MYL10: variants seen among roughly 807,000 people sequenced by gnomAD.
MYL10 encodes the protein myosin light chain 10, also known as myosin regulatory light chain 10.
Under a neutral mutation model 21.9 loss-of-function variants are expected in MYL10, and 18 were observed. The observed-to-expected ratio is 0.82, with a 90% CI of 0.57 to 1.22. The LOEUF (loss-of-function observed/expected upper bound fraction) is 1.22, where lower values mean the gene tolerates loss of function less well. Ranked by LOEUF, MYL10 falls within the 50% of genes most tolerant of loss-of-function variation. The probability of loss-of-function intolerance (pLI) is 0.00; values close to 1 mark genes in which losing one functional copy is unlikely to be tolerated. For synonymous variants in MYL10, 88 were observed against 82.8 expected, an observed-to-expected ratio of 1.06 and a Z score of -0.34; for missense variants, 225 against 230.4, an observed-to-expected ratio of 0.98 and a Z score of 0.15.
In MYL10 at chr7:101,613,592, T is replaced by G. The variant is rs1474348283; in HGVS notation, c.583-19A>C. ...GCTTGACCTGAGAAGGAGCAGAGAG[T>G]CAGCCTGCACCAGGCCAAGTGGGGG... is the stretch of plus-strand genomic sequence containing the variant. On this transcript the variant is annotated intron_variant, in intron 7 of 7. Coordinates refer to ENST00000223167, the MANE Select transcript of MYL10 (RefSeq NM_138403.5). 1 of 1,613,444 alleles carries G rather than the reference T, an allele frequency of 6.2e-7. No homozygotes were observed. The highest frequency in any genetic ancestry group is 8.5e-7 in the Non-Finnish European group (1 of 1,179,420).
intron 5 of MYL10, among the ~76,000 whole-genome samples, chr7:101,618,761 A>C (rs1479566267): frequency 2.6e-5 from 4 of 151,886 alleles, no homozygotes; most frequent in Non-Finnish European, 5.9e-5. Context: ...CCACGTCTGC[A>C]TGACAGGCTC....
At chr7:101,625,885 C>T (rs1381055347) in intron 1 of MYL10, among the ~76,000 whole-genome samples, 1 of 152,130 alleles carries the variant, frequency 6.6e-6, no homozygotes, top group Non-Finnish European at 1.5e-5. Context: ...GCTGTGGCCT[C>T]GGCGTCCTCA....
intron 5 of MYL10, 119 bp from the exon 6 acceptor site, chr7:101,616,417 C>T (rs1233159260): frequency 4.2e-6 from 3 of 710,702 alleles, no homozygotes; most frequent in East Asian, 2.6e-5. Context: ...TGCACAGAGG[C>T]ACAGCTCTGG....
chr7:101,622,175 T>A lies in MYL10; in HGVS notation c.375A>T (p.Glu125Asp), dbSNP rs1162747476. Residue 125 changes from glutamate (E) to aspartate (D), a missense_variant, in exon 5 of 8, where the codon GAA becomes GAT. Transcript: ENST00000223167. Reference sequence around the variant, plus strand: ...GGGCCTCCTTCACCATGGCCTCCAGTTCCTCGTTCTTGACATTGATGCGGC... The same window carrying A: ...GGGCCTCCTTCACCATGGCCTCCAGATCCTCGTTCTTGACATTGATGCGGC... ...ALGRINVKNE[E>D]LEAMVKEAPG... The A allele has an allele frequency of 3.7e-6, 6 of 1,612,914 alleles. No homozygotes were observed. The highest frequency in any genetic ancestry group is 5.1e-6 in the Non-Finnish European group (6 of 1,179,368).
intron 1 of MYL10, among the ~76,000 whole-genome samples, chr7:101,627,912 G>A (rs1431660039): frequency 6.6e-6 from 1 of 152,182 alleles, no homozygotes; most frequent in Non-Finnish European, 1.5e-5. Flanking sequence ...AGTGTGGCCG[G>A]ACCTCTGGAG....
chr7:101,618,689 C>A (rs1250181042), intron 5 of MYL10, among the ~76,000 whole-genome samples: 1 of 152,192 alleles, frequency 6.6e-6, no homozygotes, highest in Non-Finnish European at 1.5e-5. Context: ...GAGGCGGCGC[C>A]GGCCCCAGCA....
chr7:101,613,534 C>T lies in MYL10; in HGVS notation c.622G>A (p.Gly208Ser), dbSNP rs558876493. ...CACAGGTTTCTGTAGTCCAGGTTGC[C>T]GCACACATCTGGGGGAAATGCTGCA... ...MFAAFPPDVC[G>S]NLDYRNLCYV... is the part of the protein sequence containing the mutation. Residue 208 changes from glycine to serine, a missense_variant, in exon 8 of 8, where the codon GGC becomes AGC. Physicochemically the swap from Gly to Ser is moderately conservative, Grantham distance 56. Coordinates refer to ENST00000223167, the MANE Select transcript of MYL10 (RefSeq NM_138403.5). 1.4e-5 allele frequency: 22 copies of T among 1,614,114 alleles called. No individual in the cohort carries two copies. The highest frequency in any genetic ancestry group is 3.3e-4 in the Middle Eastern group (2 of 6,062).
At position 101,613,520 on chromosome 7, in the gene MYL10, G is replaced by T; in HGVS notation, c.636C>A (p.Tyr212Ter). ...FPPDVCGNLD[Y>*]RNLCYVITHG... ...GAGTGATGACGTAGCACAGGTTTCT[G>T]TAGTCCAGGTTGCCGCACACATCTG... Residue 212 changes from tyrosine to a stop codon, truncating the protein, a stop_gained, in exon 8 of 8, where the codon TAC becomes TAA. Transcript: ENST00000223167. LOFTEE classifies it high-confidence loss of function. 1 of 1,614,154 alleles carries T rather than the reference G, an allele frequency of 6.2e-7. No individual in the cohort carries two copies. Among genetic ancestry groups the T allele is most frequent in the Non-Finnish European group, 8.5e-7 (1 of 1,180,030 alleles).
intron 6 of MYL10, among the ~76,000 whole-genome samples, chr7:101,615,334 C>T (rs1305226826): frequency 2.6e-5 from 4 of 151,874 alleles, no homozygotes; most frequent in Non-Finnish European, 5.9e-5. Context: ...GGAGCTGCAA[C>T]CCTCTCCTCT....
chr7:101,623,055 G>T lies in MYL10; in HGVS notation c.291C>A (p.Asp97Glu). The change falls in exon 4 of 8, where the codon GAC becomes GAA. Residue 97 changes from aspartate to glutamate, a missense_variant. Physicochemically the swap from Asp to Glu is conservative, Grantham distance 45. Coordinates refer to ENST00000223167, the MANE Select transcript of MYL10 (RefSeq NM_138403.5). ...ASASQAFTIM[D>E]QNRDGFIDKE... is the part of the protein sequence containing the mutation. ...TGTCGATGAAGCCATCACGGTTCTGGTCCATGATGGTGAAAGCCTGGCAGA... is the reference window on the plus strand; with the variant it reads ...TGTCGATGAAGCCATCACGGTTCTGTTCCATGATGGTGAAAGCCTGGCAGA... The T allele has an allele frequency of 6.2e-7, 1 of 1,613,930 alleles. No homozygotes were observed. Among genetic ancestry groups the T allele is most frequent in the Non-Finnish European group, 8.5e-7 (1 of 1,179,970 alleles).
At position 101,618,785 on chromosome 7, in the gene MYL10, G is replaced by T. The variant is rs146737831; in HGVS notation, c.455-2487C>A. 5.6e-3 allele frequency among the ~76,000 whole-genome samples: 853 copies of T among 152,062 alleles called. 7 individuals are homozygous for T. Among genetic ancestry groups the T allele is most frequent in the African/African-American group, 0.019 (801 of 41,472 alleles). ...CATGACAGGCTCAGCCGGAGCCCCA[G>T]TCCCGGCGCCCCTGCAAAAATGAGA... On this transcript the variant is annotated intron_variant, in intron 5 of 7. Transcript: ENST00000223167.
At position 101,619,334 on chromosome 7, in the gene MYL10, C is replaced by A. The variant is rs138120420; in HGVS notation, c.454+2762G>T. ...GCCTGGAGGTGGGCCCAGTGATGCT[C>A]CTGATTCGGCTACACAGCCCCAAGT... is the stretch of plus-strand genomic sequence containing the variant. On this transcript the variant is annotated intron_variant, in intron 5 of 7. Transcript: ENST00000223167. Among the ~76,000 whole-genome samples the A allele has an allele frequency of 4.0e-4, 61 of 152,330 alleles. 1 individual carries two copies. The East Asian group carries it at 9.1e-3, about 23-fold the overall frequency.
At chr7:101,626,197 T>G (rs1012180567) in intron 1 of MYL10, among the ~76,000 whole-genome samples, 1 of 152,232 alleles carries the variant, frequency 6.6e-6, no homozygotes, top group Non-Finnish European at 1.5e-5. Flanking sequence ...TTGTCTTCTC[T>G]GAGCCTGTTT....
chr7:101,623,158 C>T, intron 3 of MYL10, 86 bp from the exon 4 acceptor site: 1 of 1,285,430 alleles, frequency 7.8e-7, no homozygotes. Flanking sequence ...CCGACTGCTG[C>T]CCAAGGAGCC....
chr7:101,622,743 A>ACCAGGCCCAGGC (rs532594514), intron 4 of MYL10, among the ~76,000 whole-genome samples: 1 of 151,198 alleles, frequency 6.6e-6, no homozygotes, highest in African/African-American at 2.4e-5. Context: ...GGTCCCCTAC[A>ACCAGGCCCAGGC]CCAGGCCCAG....
chr7:101,626,673 G>A (rs1228451722), intron 1 of MYL10, among the ~76,000 whole-genome samples: 4 of 152,224 alleles, frequency 2.6e-5, no homozygotes, highest in East Asian at 1.9e-4. Flanking sequence ...ACTGACCCCC[G>A]GCCCTCCCAG....
At chr7:101,615,367 G>A (rs1217031479) in intron 6 of MYL10, among the ~76,000 whole-genome samples, 1 of 151,612 alleles carries the variant, frequency 6.6e-6, no homozygotes, top group African/African-American at 2.4e-5. Flanking sequence ...TGGCCTCCAT[G>A]GTGTCCTTGC....
At chr7:101,620,553 C>T (rs982957741) in intron 5 of MYL10, among the ~76,000 whole-genome samples, 3 of 152,130 alleles carry the variant, frequency 2.0e-5, no homozygotes, top group Admixed American at 1.3e-4. Flanking sequence ...TTTGTTACAG[C>T]GGGCTCAGAA....
chr7:101,622,984 C>G lies in MYL10; in HGVS notation c.349+13G>C, dbSNP rs1186953362. ...GCCTGGCCCTAATCTCCCCCGGCTG[C>G]TGGCTCACCCACCCAGCGCGGCAAA... On this transcript the variant is annotated intron_variant, in intron 4 of 7. Transcript: ENST00000223167. 6.2e-7 allele frequency: 1 copy of G among 1,613,260 alleles called. No homozygotes were observed. The highest frequency in any genetic ancestry group is 8.5e-7 in the Non-Finnish European group (1 of 1,179,642).
Sources: gnomAD v4.1 joint callset for allele counts (sites outside exome capture counted in the v4.1 genomes callset) on GRCh38, gnomAD v4.1.1 for gene constraint, MANE v1.5 for transcripts, NCBI Gene and HGNC (gene_info 2026-07-23, HGNC 2026-07-21) for gene names.